Variants in PLCB1 observed in about 807,000 individuals in gnomAD.
PLCB1 encodes the protein 1-phosphatidylinositol 4,5-bisphosphate phosphodiesterase beta-1.
A neutral mutation model predicts 161.8 loss-of-function variants in PLCB1; 46 were observed. The ratio of observed to expected loss-of-function variants is 0.28; its 90% CI spans 0.22 to 0.36. The LOEUF (loss-of-function observed/expected upper bound fraction) is 0.36. Ranked by LOEUF, PLCB1 falls within the 10% of genes least tolerant of loss-of-function variation. PLCB1 has a pLI of 1.00. For synonymous variants in PLCB1, 517 were observed against 503.7 expected (o/e 1.03, Z -0.35); for missense variants, 1,016 against 1,472.5 (o/e 0.69, Z 5.07).
chr20:8,356,257 T>C (rs981966037), intron 2 of PLCB1, among the ~76,000 whole-genome samples: 5 of 152,176 alleles, frequency 3.3e-5, no homozygotes, highest in African/African-American at 1.2e-4. Context: ...AGATAAATGT[T>C]ACCAGTCTCT....
intron 2 of PLCB1, among the ~76,000 whole-genome samples, chr20:8,203,507 A>G (rs1978356763): frequency 6.6e-6 from 1 of 152,142 alleles, no homozygotes; most frequent in Admixed American, 6.6e-5. Flanking sequence ...CACTTTACCT[A>G]AGGAAAATGA....
intron 2 of PLCB1, among the ~76,000 whole-genome samples, chr20:8,286,052 C>T (rs1983103807): frequency 6.6e-6 from 1 of 152,224 alleles, no homozygotes; most frequent in South Asian, 2.1e-4. Context: ...CATCCTGGCA[C>T]AGTGGCTCAT....
At chr20:8,463,146 A>AGTGTGTGTGTGTGTGTGT (rs11472638) in intron 3 of PLCB1, among the ~76,000 whole-genome samples, 11 of 144,678 alleles carry the variant, frequency 7.6e-5, no homozygotes, top group East Asian at 4.2e-4. Flanking sequence ...AGTACAGAGC[A>AGTGTGTGTGTGTGTGTGT]GTGTGTGTGT....
intron 2 of PLCB1, among the ~76,000 whole-genome samples, chr20:8,322,334 A>T (rs1044740768): frequency 6.6e-6 from 1 of 152,098 alleles, no homozygotes; most frequent in African/African-American, 2.4e-5. Flanking sequence ...TTATTTTCTG[A>T]TATTTTCATT....
At chr20:8,653,613 A>T (rs970949674) in intron 7 of PLCB1, 3 of 152,014 alleles carry the variant, frequency 2.0e-5, no homozygotes, top group Non-Finnish European at 4.4e-5. Flanking sequence ...TATTCATTAG[A>T]GTCTGCTTCA....
At chr20:8,228,174 AATAAG>A (rs1310710723) in intron 2 of PLCB1, among the ~76,000 whole-genome samples, 1 of 152,032 alleles carries the variant, frequency 6.6e-6, no homozygotes, top group Non-Finnish European at 1.5e-5. Context: ...TAAATAAATA[AATAAG>A]ATAAGATAAA....
intron 18 of PLCB1, chr20:8,729,663 G>A (rs1980127206): frequency 6.6e-6 from 1 of 151,808 alleles, no homozygotes; most frequent in South Asian, 2.1e-4. Flanking sequence ...AAGTGCCATA[G>A]AGAGACATGA....
intron 31 of PLCB1, among the ~76,000 whole-genome samples, chr20:8,824,192 A>T (rs1483381521): frequency 6.6e-6 from 1 of 152,162 alleles, no homozygotes; most frequent in Non-Finnish European, 1.5e-5. Flanking sequence ...TGTAAGTAGG[A>T]CACACATTGC....
chr20:8,537,590 C>T (rs1985106051), intron 3 of PLCB1, among the ~76,000 whole-genome samples: 1 of 152,120 alleles, frequency 6.6e-6, no homozygotes, highest in African/African-American at 2.4e-5. Flanking sequence ...TCCTGCCCCG[C>T]TCATGCCTGA....
chr20:8,742,548 A>C lies in PLCB1; in HGVS notation c.2523+975A>C, dbSNP rs1187317318. ...AAATCAACTGTAATTCAAACATCCC[A>C]TCCGCTCAGAGATAGCCACATTAAA... On this transcript the variant is annotated intron_variant, in intron 23 of 31. Transcript: ENST00000338037. 4.6e-5 allele frequency among the ~76,000 whole-genome samples: 7 copies of C among 152,182 alleles called. No homozygotes were observed. The East Asian group carries it at 1.3e-3, about 29-fold the overall frequency.
chr20:8,741,651 T>C, intron 23 of PLCB1, 78 bp downstream of exon 23: 2 of 842,188 alleles, frequency 2.4e-6, no homozygotes, highest in Non-Finnish European at 4.0e-6. Context: ...CTAAGTAATA[T>C]CACATACCTT....
At chr20:8,601,588 T>A (rs891689291) in intron 3 of PLCB1, among the ~76,000 whole-genome samples, 1 of 152,216 alleles carries the variant, frequency 6.6e-6, no homozygotes, top group African/African-American at 2.4e-5. Flanking sequence ...TCTTGAGCAC[T>A]TTCTATGTGC....
intron 31 of PLCB1, among the ~76,000 whole-genome samples, chr20:8,799,035 T>C (rs1984164920): frequency 1.3e-5 from 2 of 152,244 alleles, no homozygotes; most frequent in Admixed American, 1.3e-4. Flanking sequence ...TGCTATTGTC[T>C]ATTGGCCCCA....
chr20:8,729,028 A>G, intron 17 of PLCB1, 22 bp from the exon 18 acceptor site: 2 of 1,496,092 alleles, frequency 1.3e-6, no homozygotes, highest in Non-Finnish European at 1.8e-6. Flanking sequence ...AATTGTATTC[A>G]CTACTTAACA....
intron 31 of PLCB1, among the ~76,000 whole-genome samples, chr20:8,856,636 AAG>A (rs1987078061): frequency 1.3e-5 from 2 of 152,146 alleles, no homozygotes; most frequent in African/African-American, 4.8e-5. Flanking sequence ...AATAAATAAA[AAG>A]AGCCAGACAC....
chr20:8,140,232 G>A (rs1325505067), intron 1 of PLCB1, among the ~76,000 whole-genome samples: 2 of 152,160 alleles, frequency 1.3e-5, no homozygotes, highest in African/African-American at 4.8e-5. Flanking sequence ...CATTCATGGA[G>A]AGCCAACCTA....
intron 3 of PLCB1, among the ~76,000 whole-genome samples, chr20:8,486,481 ATTTTTTTTTTTTTTT>A (rs71183092): frequency 1.2e-5 from 1 of 85,810 alleles, no homozygotes; most frequent in Non-Finnish European, 2.2e-5. Context: ...ATTCCAAAAT[ATTTTTTTTTTTTTTT>A]TTTTTTTTTT....
intron 2 of PLCB1, among the ~76,000 whole-genome samples, chr20:8,327,638 G>A (rs1027410538): frequency 5.9e-5 from 9 of 152,162 alleles, no homozygotes; most frequent in African/African-American, 2.2e-4. Context: ...TAGAAGGCCT[G>A]TTCATCATAG....
chr20:8,141,052 T>C (rs2051397777), intron 1 of PLCB1, among the ~76,000 whole-genome samples: 1 of 152,136 alleles, frequency 6.6e-6, no homozygotes. Flanking sequence ...CGCCTCAGCC[T>C]CCCAAAGTGC....
Sources: allele counts gnomAD v4.1 joint callset (sites outside exome capture counted in the v4.1 genomes callset), GRCh38; gene constraint gnomAD v4.1.1; transcripts MANE v1.5; gene names NCBI Gene and HGNC (gene_info 2026-07-23, HGNC 2026-07-21).